Variants in ZNF804A observed in about 807,000 individuals in gnomAD.
ZNF804A encodes the protein zinc finger protein 804A.
A neutral mutation model predicts 16.5 loss-of-function variants in ZNF804A; 2 were observed. The ratio of observed to expected loss-of-function variants is 0.12; its 90% CI spans 0.05 to 0.38. The LOEUF is 0.38. Ranked by LOEUF, ZNF804A falls within the 10% of genes least tolerant of loss-of-function variation. The pLI is 0.99. For synonymous variants in ZNF804A, 534 were observed against 489.6 expected, an observed-to-expected ratio of 1.09 and a Z score of -1.20; for missense variants, 1,473 against 1,390.7, an observed-to-expected ratio of 1.06 and a Z score of -0.94.
At chr2:184,602,459 T>C (rs1691065199) in intron 1 of ZNF804A, among the ~76,000 whole-genome samples, 1 of 151,978 alleles carries the variant, frequency 6.6e-6, no homozygotes, top group Non-Finnish European at 1.5e-5. Flanking sequence ...TCATTCTTTT[T>C]ATTTAGATTT....
At chr2:184,681,658 G>C (rs566279325) in intron 1 of ZNF804A, among the ~76,000 whole-genome samples, 1 of 152,348 alleles carries the variant, frequency 6.6e-6, no homozygotes, top group Admixed American at 6.5e-5. Context: ...CCTGTCTGGT[G>C]CAGTCACTGC....
At chr2:184,615,820 A>T (rs1172540685) in intron 1 of ZNF804A, among the ~76,000 whole-genome samples, 1 of 152,160 alleles carries the variant, frequency 6.6e-6, no homozygotes, top group Non-Finnish European at 1.5e-5. Context: ...TCCACTGGAG[A>T]TCACTGGAAG....
intron 1 of ZNF804A, among the ~76,000 whole-genome samples, chr2:184,686,314 C>T (rs960122916): frequency 2.6e-5 from 4 of 152,216 alleles, no homozygotes; most frequent in Non-Finnish European, 5.9e-5. Flanking sequence ...GAGCATGTAA[C>T]CCCAGCTGTG....
chr2:184,756,060 G>A (rs1406641671), intron 1 of ZNF804A, among the ~76,000 whole-genome samples: 1 of 151,870 alleles, frequency 6.6e-6, no homozygotes, highest in African/African-American at 2.4e-5. Context: ...ATTGGCTCAG[G>A]AAATACCCTG....
intron 1 of ZNF804A, among the ~76,000 whole-genome samples, chr2:184,764,196 CT>C (rs1694083400): frequency 6.6e-6 from 1 of 150,596 alleles, no homozygotes; most frequent in Non-Finnish European, 1.5e-5. Context: ...AAAATTATGA[CT>C]TTTATTCATT....
chr2:184,926,139 T>G (rs2105839116), intron 2 of ZNF804A, among the ~76,000 whole-genome samples: 1 of 152,240 alleles, frequency 6.6e-6, no homozygotes, highest in East Asian at 1.9e-4. Flanking sequence ...TTAACAACCT[T>G]TTCTTTCTAA....
At position 184,841,803 on chromosome 2, in the gene ZNF804A, G is replaced by A. The variant is rs141747621; in HGVS notation, c.112-24566G>A. The stretch of plus-strand genomic sequence containing the variant: ...TTTTGCTGTGTCAATTTTTTTTAGG[G>A]TACTATTTACTCTTCTTGAGAGCAA... On this transcript the variant is annotated intron_variant, in intron 1 of 3. Coordinates refer to ENST00000302277, the MANE Select transcript of ZNF804A (RefSeq NM_194250.2). Among the ~76,000 whole-genome samples, 31 of 151,890 alleles carry A rather than the reference G, an allele frequency of 2.0e-4. No individual in the cohort carries two copies. The East Asian group carries it at 5.4e-3, about 27-fold the overall frequency.
chr2:184,902,079 A>T (rs927349192), intron 2 of ZNF804A: 9 of 152,276 alleles, frequency 5.9e-5, no homozygotes, highest in African/African-American at 2.2e-4. Flanking sequence ...TGGTAAAAAA[A>T]TATGTACTTA....
chr2:184,653,112 C>T (rs1692015491), intron 1 of ZNF804A, among the ~76,000 whole-genome samples: 1 of 152,046 alleles, frequency 6.6e-6, no homozygotes, highest in Non-Finnish European at 1.5e-5. Context: ...ACAAATACAC[C>T]TTCTCTGATT....
chr2:184,808,634 T>C (rs1694847733), intron 1 of ZNF804A, among the ~76,000 whole-genome samples: 1 of 151,584 alleles, frequency 6.6e-6, no homozygotes, highest in Non-Finnish European at 1.5e-5. Flanking sequence ...ATTTGTGCAC[T>C]AATACACTTT....
chr2:184,706,387 T>A (rs1693031538), intron 1 of ZNF804A, among the ~76,000 whole-genome samples: 1 of 152,152 alleles, frequency 6.6e-6, no homozygotes, highest in Non-Finnish European at 1.5e-5. Flanking sequence ...GAACTCCTCA[T>A]GAGGTGATAG....
At chr2:184,655,530 G>A (rs1355422983) in intron 1 of ZNF804A, among the ~76,000 whole-genome samples, 2 of 152,000 alleles carry the variant, frequency 1.3e-5, no homozygotes, top group Non-Finnish European at 2.9e-5. Context: ...AATTAACTTG[G>A]GTCTGTTTAA....
intron 1 of ZNF804A, among the ~76,000 whole-genome samples, chr2:184,842,107 CA>C (rs1396300203): frequency 6.6e-6 from 1 of 152,160 alleles, no homozygotes; most frequent in African/African-American, 2.4e-5. Context: ...GTAAATTTTT[CA>C]AGTTAAAATG....
At chr2:184,636,549 CTGTGTGTG>C (rs71011052) in intron 1 of ZNF804A, among the ~76,000 whole-genome samples, 20,718 of 138,354 alleles carry the variant, frequency 0.15, 1,579 homozygotes, top group Middle Eastern at 0.22. Context: ...GGCTCTAGGG[CTGTGTGTG>C]TGTGTGTGTG....
intron 1 of ZNF804A, among the ~76,000 whole-genome samples, chr2:184,859,765 G>T (rs1326246726): frequency 6.6e-6 from 1 of 152,210 alleles, no homozygotes; most frequent in Non-Finnish European, 1.5e-5. Flanking sequence ...AGTCTGTCCA[G>T]AGATTCTGAG....
At chr2:184,703,558 C>G (rs1357272831) in intron 1 of ZNF804A, among the ~76,000 whole-genome samples, 1 of 151,444 alleles carries the variant, frequency 6.6e-6, no homozygotes, top group Non-Finnish European at 1.5e-5. Context: ...GGCGTGGTGG[C>G]GGGCGCCTGT....
intron 1 of ZNF804A, among the ~76,000 whole-genome samples, chr2:184,636,458 A>AGAGAGAGAGAGAGAGAGGTAAATAT: frequency 1.1e-5 from 1 of 93,374 alleles, no homozygotes; most frequent in Non-Finnish European, 2.1e-5. Context: ...TGTGTGAGAG[A>AGAGAGAGAGAGAGAGAGGTAAATAT]GAGAGAGAGA....
At chr2:184,779,118 C>T in intron 1 of ZNF804A, among the ~76,000 whole-genome samples, 1 of 151,592 alleles carries the variant, frequency 6.6e-6, no homozygotes, top group Admixed American at 6.6e-5. Context: ...TTCTTCTGCT[C>T]TTAAAAAATA....
chr2:184,807,173 A>G (rs1042068202), intron 1 of ZNF804A, among the ~76,000 whole-genome samples: 1 of 151,898 alleles, frequency 6.6e-6, no homozygotes, highest in African/African-American at 2.4e-5. Flanking sequence ...CACTCCAATC[A>G]TATTACTATT....
Sources: gnomAD v4.1 joint callset for allele counts (sites outside exome capture counted in the v4.1 genomes callset) on GRCh38, gnomAD v4.1.1 for gene constraint, MANE v1.5 for transcripts, NCBI Gene and HGNC (gene_info 2026-07-23, HGNC 2026-07-21) for gene names.